UBR1: variants seen among roughly 807,000 people sequenced by gnomAD.
UBR1 encodes E3 ubiquitin-protein ligase UBR1.
In UBR1, 102 loss-of-function variants were observed where a neutral mutation model predicts 242.1. The observed-to-expected ratio is 0.42, with a 90% CI of 0.36 to 0.50. The LOEUF (loss-of-function observed/expected upper bound fraction) is 0.50, where lower values mean the gene tolerates loss of function less well. Ranked by LOEUF, UBR1 falls within the 20% of genes least tolerant of loss-of-function variation. UBR1 has a pLI of 0.01. For synonymous variants in UBR1, 675 were observed against 684.8 expected, an observed-to-expected ratio of 0.99 and a Z score of 0.22; for missense variants, 1,772 against 2,101.8, an observed-to-expected ratio of 0.84 and a Z score of 3.07.
At chr15:42,975,208 T>C (rs970212469) in intron 39 of UBR1, among the ~76,000 whole-genome samples, 2 of 152,332 alleles carry the variant, frequency 1.3e-5, no homozygotes, top group South Asian at 4.1e-4. Context: ...TTGTCTCTTT[T>C]ATAAAACACA....
chr15:42,982,449 T>G (rs997228537), intron 37 of UBR1, among the ~76,000 whole-genome samples: 2 of 152,210 alleles, frequency 1.3e-5, no homozygotes, highest in Admixed American at 6.5e-5. Flanking sequence ...GGGAAAACTT[T>G]TAAGTGTGTG....
In UBR1 at chr15:42,944,710, G is replaced by A. The variant is rs2141244918; in HGVS notation, c.*619C>T. 6.4e-6 allele frequency: 1 copy of A among 156,154 alleles called. No individual in the cohort carries two copies. The highest frequency in any genetic ancestry group is 1.9e-4 in the East Asian group (1 of 5,268). The allele number at this position is 156,154 out of a possible 1,614,324, so 9.7% of individuals were successfully genotyped here. On this transcript the variant is annotated 3_prime_UTR_variant, in exon 47 of 47. Coordinates refer to ENST00000290650, the MANE Select transcript of UBR1 (RefSeq NM_174916.3). ...ACCCTAACTTTTCTTGAGGCCTACAGTGAGAAAAAAGCTTTTCCATATTGG... is the reference window on the plus strand; with the variant it reads ...ACCCTAACTTTTCTTGAGGCCTACAATGAGAAAAAAGCTTTTCCATATTGG...
At chr15:42,945,730 A>C (rs1447126481) in intron 46 of UBR1, among the ~76,000 whole-genome samples, 2 of 152,194 alleles carry the variant, frequency 1.3e-5, no homozygotes, top group Non-Finnish European at 2.9e-5. Flanking sequence ...ACCTCACTTA[A>C]ATGGTCACTG....
intron 37 of UBR1, among the ~76,000 whole-genome samples, chr15:42,980,538 T>C (rs150431647): frequency 4.6e-5 from 7 of 152,186 alleles, no homozygotes; most frequent in African/African-American, 1.7e-4. Flanking sequence ...ATTTAAAAAT[T>C]CTAGGACAAG....
In UBR1 at chr15:42,960,838, C is replaced by T. The variant is rs565702872; in HGVS notation, c.4701-137G>A. On this transcript the variant is annotated intron_variant, in intron 42 of 46. Transcript: ENST00000290650. ...GGCTGGAGTACAGTGGCAGCAATCT[C>T]GGCTCACTGCAGCTTCTGCCTCCTA... is the stretch of plus-strand genomic sequence containing the variant. 2.3e-5 allele frequency: 19 copies of T among 842,558 alleles called. No individual in the cohort carries two copies. In the Admixed American group the frequency reaches 2.9e-4, roughly 13 times the overall value. The allele number at this position is 842,558 out of a possible 1,614,324, so 52.2% of individuals were successfully genotyped here.
intron 44 of UBR1, among the ~76,000 whole-genome samples, chr15:42,954,484 T>C (rs1243923700): frequency 2.0e-5 from 3 of 152,086 alleles, no homozygotes; most frequent in Non-Finnish European, 4.4e-5. Flanking sequence ...AAAACAATGG[T>C]TATAACTAGA....
At chr15:43,061,832 A>T (rs1055366536) in intron 6 of UBR1, among the ~76,000 whole-genome samples, 1 of 152,134 alleles carries the variant, frequency 6.6e-6, no homozygotes, top group Non-Finnish European at 1.5e-5. Flanking sequence ...GGGAAGAGGG[A>T]TAAAAGACTA....
At chr15:43,088,685 T>C (rs904413533) in intron 1 of UBR1, among the ~76,000 whole-genome samples, 2 of 151,954 alleles carry the variant, frequency 1.3e-5, no homozygotes, top group African/African-American at 4.8e-5. Flanking sequence ...TCCCTAAACA[T>C]AGACTAAGGG....
chr15:43,045,763 C>T (rs2033477429), intron 14 of UBR1, among the ~76,000 whole-genome samples: 1 of 152,122 alleles, frequency 6.6e-6, no homozygotes, highest in Admixed American at 6.5e-5. Context: ...AAACATATTT[C>T]TGTAAGAAAG....
At chr15:43,038,336 C>T (rs1224558233) in intron 15 of UBR1, 104 bp from the exon 16 acceptor site, 14 of 1,150,406 alleles carry the variant, frequency 1.2e-5, no homozygotes, top group South Asian at 6.3e-5. Context: ...TGGCTGGGCG[C>T]GGTGGCTCAT....
rs1315852077 is a variant in UBR1 at position 43,086,108 on chromosome 15, T to C, written c.214A>G (p.Thr72Ala). ...CCAAATAAGTACCATTCCAGTGGAG[T>C]GAATATTGACATTTGTACACTTTCC... is the stretch of plus-strand genomic sequence containing the variant. ...QEESVQMSIF[T>A]PLEWYLFGED... is the part of the protein sequence containing the mutation. The change falls in exon 2 of 47, where the codon ACT becomes GCT. Residue 72 changes from threonine to alanine, a missense_variant. By Grantham distance (58) the Thr-to-Ala change is moderately conservative. Coordinates refer to ENST00000290650, the MANE Select transcript of UBR1 (RefSeq NM_174916.3). 6.2e-7 allele frequency: 1 copy of C among 1,613,820 alleles called. No individual in the cohort carries two copies.
At chr15:43,043,114 G>T in intron 15 of UBR1, 101 bp downstream of exon 15, 2 of 1,326,826 alleles carry the variant, frequency 1.5e-6, no homozygotes, top group Non-Finnish European at 1.1e-6. Flanking sequence ...GAGCATGTCT[G>T]TACATATTGA....
intron 30 of UBR1, among the ~76,000 whole-genome samples, chr15:43,006,807 T>A (rs1329664225): frequency 6.6e-6 from 1 of 151,836 alleles, no homozygotes; most frequent in Non-Finnish European, 1.5e-5. Context: ...TGGATTAAAA[T>A]AGAGTAAAGG....
At chr15:42,959,868 G>A (rs1051921190) in intron 43 of UBR1, among the ~76,000 whole-genome samples, 6 of 152,142 alleles carry the variant, frequency 3.9e-5, no homozygotes, top group African/African-American at 7.2e-5. Context: ...GAGAAAAGGC[G>A]GCAAATGTGC....
chr15:42,947,461 G>C (rs961506272), intron 46 of UBR1, among the ~76,000 whole-genome samples: 16 of 152,066 alleles, frequency 1.1e-4, no homozygotes, highest in Non-Finnish European at 1.0e-4. Context: ...AGGAAATAAA[G>C]GGTATTCAAT....
At chr15:43,000,186 A>C (rs369245775) in intron 32 of UBR1, among the ~76,000 whole-genome samples, 1 of 152,226 alleles carries the variant, frequency 6.6e-6, no homozygotes, top group Non-Finnish European at 1.5e-5. Flanking sequence ...AATATAATCA[A>C]CTATATGGGT....
At chr15:42,993,916 T>G (rs1567118471) in intron 33 of UBR1, among the ~76,000 whole-genome samples, 1 of 152,154 alleles carries the variant, frequency 6.6e-6, no homozygotes, top group Non-Finnish European at 1.5e-5. Context: ...ATCAAGGCAC[T>G]GTTAGAATAA....
At chr15:42,985,250 T>A (rs1427313017) in intron 35 of UBR1, among the ~76,000 whole-genome samples, 1 of 152,218 alleles carries the variant, frequency 6.6e-6, no homozygotes, top group Non-Finnish European at 1.5e-5. Flanking sequence ...GCATCTTTTT[T>A]ATGCAAAATT....
At chr15:43,063,812 C>T (rs1384188014) in intron 6 of UBR1, among the ~76,000 whole-genome samples, 2 of 151,954 alleles carry the variant, frequency 1.3e-5, no homozygotes, top group African/African-American at 4.8e-5. Flanking sequence ...TCTTGGCTCA[C>T]TGCAACCTCC....
Sources: gnomAD v4.1 joint callset for allele counts (sites outside exome capture counted in the v4.1 genomes callset) on GRCh38, gnomAD v4.1.1 for gene constraint, MANE v1.5 for transcripts, NCBI Gene and HGNC (gene_info 2026-07-23, HGNC 2026-07-21) for gene names.